Variants in FRYL observed in about 807,000 individuals in gnomAD.
FRYL encodes protein furry homolog-like.
A neutral mutation model predicts 351.2 loss-of-function variants in FRYL; 150 were observed. That is an observed-to-expected ratio of 0.43 (90% CI 0.37 to 0.49). The LOEUF is 0.49. Ranked by LOEUF, FRYL falls within the 20% of genes least tolerant of loss-of-function variation. FRYL has a pLI of 0.00. For synonymous variants in FRYL, 1,153 were observed against 1,257.1 expected, an observed-to-expected ratio of 0.92 and a Z score of 1.75; for missense variants, 3,036 against 3,619.3, an observed-to-expected ratio of 0.84 and a Z score of 4.13.
rs1430818534 is a variant in FRYL at position 48,710,668 on chromosome 4, G to A, written c.-353C>T. On this transcript the variant is annotated 5_prime_UTR_variant, in exon 2 of 64. It adds an upstream start codon to the 5' untranslated region. Coordinates refer to ENST00000358350, the MANE Select transcript of FRYL (RefSeq NM_015030.2). ...ACAAAGCAGTAGTGAGTGAGTCACC[G>A]TGTGTGAAGCAGAATATGGAATGTT... is the stretch of plus-strand genomic sequence containing the variant. The A allele has an allele frequency of 5.5e-5, 22 of 398,256 alleles. No homozygotes were observed. The highest frequency in any genetic ancestry group is 1.1e-4 in the East Asian group (3 of 28,064). The allele number at this position is 398,256 out of a possible 1,614,324, so 24.7% of individuals were successfully genotyped here. A position where few individuals can be genotyped will look rare whatever the true frequency, so the allele number is the denominator to read the frequency against.
chr4:48,643,042 T>C (rs573992140), intron 3 of FRYL, among the ~76,000 whole-genome samples: 35 of 152,312 alleles, frequency 2.3e-4, no homozygotes, highest in African/African-American at 7.9e-4. Flanking sequence ...TCCCCTGATA[T>C]AAATATTCAC....
chr4:48,578,079 T>C (rs1304019817), intron 23 of FRYL, among the ~76,000 whole-genome samples: 3 of 150,886 alleles, frequency 2.0e-5, no homozygotes, highest in Non-Finnish European at 2.9e-5. Context: ...CTATATTAGA[T>C]ACGGATATGC....
chr4:48,676,046 G>A (rs1477743830), intron 3 of FRYL, among the ~76,000 whole-genome samples: 4 of 152,102 alleles, frequency 2.6e-5, no homozygotes, highest in African/African-American at 9.7e-5. Flanking sequence ...GAGAACCTTT[G>A]TATCTAGCTC....
intron 7 of FRYL, among the ~76,000 whole-genome samples, chr4:48,616,937 GGTTA>G (rs1302996228): frequency 6.6e-6 from 1 of 152,090 alleles, no homozygotes; most frequent in Non-Finnish European, 1.5e-5. Flanking sequence ...AAGAAAATTG[GGTTA>G]GTTAGTGGTG....
At chr4:48,595,744 G>A in intron 14 of FRYL, 46 bp from the exon 15 acceptor site, 1 of 1,286,036 alleles carries the variant, frequency 7.8e-7, no homozygotes, top group South Asian at 1.3e-5. Flanking sequence ...AACATCAACA[G>A]CATATTAGCA....
intron 1 of FRYL, among the ~76,000 whole-genome samples, chr4:48,757,929 C>A (rs891177774): frequency 3.9e-5 from 6 of 152,084 alleles, no homozygotes; most frequent in Non-Finnish European, 8.8e-5. Context: ...AGAAATAATA[C>A]CATGCATCTA....
At chr4:48,595,739 C>G (rs1424110714) in intron 14 of FRYL, 41 bp from the exon 15 acceptor site, 1 of 1,354,468 alleles carries the variant, frequency 7.4e-7, no homozygotes, top group South Asian at 1.2e-5. Context: ...ATCATAACAT[C>G]AACAGCATAT....
At chr4:48,717,028 A>G (rs186255089) in intron 1 of FRYL, among the ~76,000 whole-genome samples, 2 of 149,748 alleles carry the variant, frequency 1.3e-5, no homozygotes, top group East Asian at 4.0e-4. Flanking sequence ...AAGAACAAAA[A>G]ACCAAACACC....
intron 16 of FRYL, among the ~76,000 whole-genome samples, chr4:48,591,268 G>T (rs549338779): frequency 3.4e-4 from 52 of 152,228 alleles, no homozygotes; most frequent in African/African-American, 1.2e-3. Flanking sequence ...GTATAGTGAG[G>T]GAGTGACAGT....
At chr4:48,685,776 G>A (rs1578720891) in intron 2 of FRYL, among the ~76,000 whole-genome samples, 2 of 150,500 alleles carry the variant, frequency 1.3e-5, no homozygotes, top group East Asian at 1.9e-4. Context: ...TTTTTTTGAC[G>A]GAGTTTCACT....
intron 3 of FRYL, among the ~76,000 whole-genome samples, chr4:48,654,770 TAG>T (rs1267371753): frequency 6.6e-6 from 1 of 152,206 alleles, no homozygotes; most frequent in Non-Finnish European, 1.5e-5. Flanking sequence ...CTTTCTTCTA[TAG>T]AAGCTGTTCT....
rs548960562 is a variant in FRYL, at chr4:48,498,741, G to A, written c.*681C>T. 1 of 152,470 alleles carries A rather than the reference G, an allele frequency of 6.6e-6. No individual in the cohort carries two copies. The highest frequency in any genetic ancestry group is 1.5e-5 in the Non-Finnish European group (1 of 68,038). The allele number at this position is 152,470 out of a possible 1,614,324, so 9.4% of individuals were successfully genotyped here. A position where few individuals can be genotyped will look rare whatever the true frequency, so the allele number is the denominator to read the frequency against. ...ATTTCTTCAAAAATAATCTTGCAGT[G>A]CTCTTTTAGGCATGCTCTGAGACGT... On this transcript the variant is annotated 3_prime_UTR_variant, in exon 64 of 64. Coordinates refer to ENST00000358350, the MANE Select transcript of FRYL (RefSeq NM_015030.2).
intron 35 of FRYL, among the ~76,000 whole-genome samples, chr4:48,556,436 C>G (rs137904433): frequency 3.4e-4 from 52 of 152,348 alleles, no homozygotes; most frequent in African/African-American, 1.2e-3. Flanking sequence ...ATATCTCTTA[C>G]CATGCTTTCC....
At chr4:48,658,947 A>G (rs776645972) in intron 3 of FRYL, among the ~76,000 whole-genome samples, 62 of 152,308 alleles carry the variant, frequency 4.1e-4, no homozygotes, top group Middle Eastern at 3.4e-3. Flanking sequence ...TACCTATAGC[A>G]TTGACTAACT....
In FRYL at chr4:48,595,483, T is replaced by G. The variant is rs1033748423; in HGVS notation, c.1248+107A>C. 3 of 563,050 alleles carry G rather than the reference T, an allele frequency of 5.3e-6. No individual in the cohort carries two copies. In the African/African-American group the frequency reaches 5.9e-5, roughly 11 times the overall value. 34.9% of individuals were successfully genotyped at this position (563,050 alleles called of 1,614,324 possible). ...TTAATGAAATAAACTTATTCAATGT[T>G]GTATTACTATGTTTTTAGATGCATA... On this transcript the variant is annotated intron_variant, in intron 15 of 63. Transcript: ENST00000358350.
chr4:48,724,515 T>C (rs1223374401), intron 1 of FRYL, among the ~76,000 whole-genome samples: 1 of 152,220 alleles, frequency 6.6e-6, no homozygotes, highest in East Asian at 1.9e-4. Context: ...ATAGAGTTTA[T>C]CATCCAATAT....
At position 48,520,201 on chromosome 4, in the gene FRYL, C is replaced by T. The variant is rs143812702; in HGVS notation, c.7689+847G>A. ...TGAATTGAATGATCTAAACCTTAGC[C>T]ATATGAGTATGAGCATTTTAAAGAT... On this transcript the variant is annotated intron_variant, in intron 55 of 63. Transcript: ENST00000358350. Among the ~76,000 whole-genome samples the T allele has an allele frequency of 6.1e-3, 922 of 152,282 alleles. 3 individuals are homozygous for T. Among genetic ancestry groups the T allele is most frequent in the Middle Eastern group, 0.01 (3 of 294 alleles).
chr4:48,571,589 A>G, intron 26 of FRYL: 1 of 918,366 alleles, frequency 1.1e-6, no homozygotes, highest in Non-Finnish European at 1.3e-6. Flanking sequence ...GCAAATTAAA[A>G]CCATATTTAC....
chr4:48,717,914 A>C (rs1310021458), intron 1 of FRYL, among the ~76,000 whole-genome samples: 1 of 151,600 alleles, frequency 6.6e-6, no homozygotes, highest in South Asian at 2.1e-4. Flanking sequence ...TACTTTTTAA[A>C]AACTACAGTC....
Sources: allele counts gnomAD v4.1 joint callset (sites outside exome capture counted in the v4.1 genomes callset), GRCh38; gene constraint gnomAD v4.1.1; transcripts MANE v1.5; gene names NCBI Gene and HGNC (gene_info 2026-07-23, HGNC 2026-07-21).